Variants in CLSTN2 observed in about 807,000 individuals in gnomAD.
CLSTN2 encodes calsyntenin 2, also known as calsyntenin-2.
Under a neutral mutation model 101.2 loss-of-function variants are expected in CLSTN2, and 48 were observed. The observed-to-expected ratio is 0.47, with a 90% CI of 0.38 to 0.60. The LOEUF (loss-of-function observed/expected upper bound fraction) is 0.60, where lower values mean the gene tolerates loss of function less well. Among genes scored for constraint, CLSTN2 ranks in the 20% least tolerant of loss-of-function variants. The probability of loss-of-function intolerance (pLI) is 0.00; values close to 1 mark genes in which losing one functional copy is unlikely to be tolerated. For missense variants in CLSTN2, 1,160 were observed against 1,238.2 expected, an observed-to-expected ratio of 0.94 and a Z score of 0.95; for synonymous variants, 481 against 463.6, an observed-to-expected ratio of 1.04 and a Z score of -0.48.
intron 9 of CLSTN2, among the ~76,000 whole-genome samples, chr3:140,533,873 T>C (rs79654722): frequency 0.041 from 6,297 of 152,124 alleles, 428 homozygotes; most frequent in African/African-American, 0.14. Flanking sequence ...CTGGAAGCAC[T>C]AGAGATTCAA....
chr3:140,039,193 T>C (rs2007714953), intron 1 of CLSTN2, among the ~76,000 whole-genome samples: 2 of 152,218 alleles, frequency 1.3e-5, no homozygotes, highest in African/African-American at 4.8e-5. Context: ...ATTGTAAATG[T>C]GGTAGTGGTG....
At chr3:139,948,657 C>T (rs761321810) in intron 1 of CLSTN2, among the ~76,000 whole-genome samples, 18 of 152,094 alleles carry the variant, frequency 1.2e-4, no homozygotes, top group Non-Finnish European at 2.5e-4. Flanking sequence ...AGTCCTCTGT[C>T]TTTAGTACAG....
chr3:140,421,322 A>G lies in CLSTN2; in HGVS notation c.787+48A>G, dbSNP rs189962741. The G allele has an allele frequency of 1.8e-5, 29 of 1,605,840 alleles. No individual in the cohort carries two copies. In the Admixed American group the frequency reaches 2.0e-4, roughly 11 times the overall value. On this transcript the variant is annotated intron_variant, in intron 5 of 16. Transcript: ENST00000458420. ...GTGTGAAGGCAGCATGGTCTGATGTATAGAAGGTGGTGTACTTGTCCTCAA... is the reference window on the plus strand; with the variant it reads ...GTGTGAAGGCAGCATGGTCTGATGTGTAGAAGGTGGTGTACTTGTCCTCAA...
intron 1 of CLSTN2, among the ~76,000 whole-genome samples, chr3:140,009,984 G>A (rs967075288): frequency 6.6e-6 from 1 of 152,292 alleles, no homozygotes; most frequent in Non-Finnish European, 1.5e-5. Flanking sequence ...GACATTCTGA[G>A]AATGTCTTTC....
chr3:140,544,748 A>G (rs2093795849), intron 9 of CLSTN2, among the ~76,000 whole-genome samples: 1 of 150,266 alleles, frequency 6.7e-6, no homozygotes, highest in Non-Finnish European at 1.5e-5. Context: ...AGGCAGAGAG[A>G]GGGTATGCAG....
chr3:140,029,334 T>C (rs1035359753), intron 1 of CLSTN2, among the ~76,000 whole-genome samples: 5 of 152,132 alleles, frequency 3.3e-5, no homozygotes, highest in Non-Finnish European at 7.4e-5. Flanking sequence ...ATCTTAAAGA[T>C]AGCAAAAATA....
intron 2 of CLSTN2, among the ~76,000 whole-genome samples, chr3:140,362,114 A>G (rs1353945222): frequency 6.6e-6 from 1 of 152,216 alleles, no homozygotes; most frequent in Non-Finnish European, 1.5e-5. Flanking sequence ...GGTATAAAAC[A>G]GGAGTAAAGA....
intron 1 of CLSTN2, among the ~76,000 whole-genome samples, chr3:140,150,531 C>A (rs1439286315): frequency 1.3e-5 from 2 of 152,182 alleles, no homozygotes; most frequent in Non-Finnish European, 2.9e-5. Flanking sequence ...GGCATTGCAT[C>A]AGCTCAGAGA....
At chr3:140,550,868 C>G (rs1935688115) in intron 10 of CLSTN2, among the ~76,000 whole-genome samples, 1 of 150,890 alleles carries the variant, frequency 6.6e-6, no homozygotes, top group Non-Finnish European at 1.5e-5. Context: ...GGTTATAAGC[C>G]TTTTTATAAC....
intron 2 of CLSTN2, among the ~76,000 whole-genome samples, chr3:140,351,620 T>C (rs2087607798): frequency 6.6e-6 from 1 of 152,186 alleles, no homozygotes; most frequent in Non-Finnish European, 1.5e-5. Flanking sequence ...AGTCAGACCA[T>C]TGTAGCACAA....
At chr3:140,178,088 G>A (rs2010351297) in intron 2 of CLSTN2, among the ~76,000 whole-genome samples, 1 of 152,128 alleles carries the variant, frequency 6.6e-6, no homozygotes, top group Non-Finnish European at 1.5e-5. Flanking sequence ...AGTGTCCTGA[G>A]GCTGGCACTT....
chr3:140,086,769 T>G (rs2008690086), intron 1 of CLSTN2, among the ~76,000 whole-genome samples: 1 of 152,212 alleles, frequency 6.6e-6, no homozygotes, highest in Admixed American at 6.5e-5. Context: ...CCTTGAAAAT[T>G]AGGACTTTTG....
At chr3:140,467,786 C>A (rs1312128290) in intron 8 of CLSTN2, among the ~76,000 whole-genome samples, 1 of 151,906 alleles carries the variant, frequency 6.6e-6, no homozygotes, top group Non-Finnish European at 1.5e-5. Context: ...TCTGTTCCAT[C>A]CAAGTCTCCA....
At chr3:140,059,005 A>G (rs1411014970) in intron 1 of CLSTN2, among the ~76,000 whole-genome samples, 6 of 151,424 alleles carry the variant, frequency 4.0e-5, no homozygotes, top group Admixed American at 2.6e-4. Flanking sequence ...TTTGGCACCC[A>G]ATTAGCAGAA....
chr3:139,938,852 C>T (rs1044985538), intron 1 of CLSTN2, among the ~76,000 whole-genome samples: 6 of 152,146 alleles, frequency 3.9e-5, no homozygotes, highest in Non-Finnish European at 5.9e-5. Context: ...TTGTAGTGCC[C>T]GCCTTGTGTG....
intron 1 of CLSTN2, among the ~76,000 whole-genome samples, chr3:140,056,004 G>A (rs2008089699): frequency 1.3e-5 from 2 of 152,200 alleles, no homozygotes; most frequent in South Asian, 4.1e-4. Flanking sequence ...CTGGATTGGA[G>A]AGTACCAAGA....
At chr3:140,164,823 A>G (rs1335322194) in intron 1 of CLSTN2, among the ~76,000 whole-genome samples, 1 of 152,194 alleles carries the variant, frequency 6.6e-6, no homozygotes, top group East Asian at 1.9e-4. Context: ...GGGATTGTCC[A>G]CACTCTAAAC....
At chr3:140,429,583 A>G (rs1559867405) in intron 5 of CLSTN2, among the ~76,000 whole-genome samples, 1 of 152,136 alleles carries the variant, frequency 6.6e-6, no homozygotes, top group Non-Finnish European at 1.5e-5. Flanking sequence ...TCCTGAGGAC[A>G]GGGGACCACA....
intron 1 of CLSTN2, among the ~76,000 whole-genome samples, chr3:140,076,591 C>A (rs1469569831): frequency 7.5e-6 from 1 of 133,322 alleles, no homozygotes; most frequent in Non-Finnish European, 1.5e-5. Flanking sequence ...GCCTGCCCAA[C>A]TTTGTGGTCA....
Sources: allele counts gnomAD v4.1 joint callset (sites outside exome capture counted in the v4.1 genomes callset), GRCh38; gene constraint gnomAD v4.1.1; transcripts MANE v1.5; gene names NCBI Gene and HGNC (gene_info 2026-07-23, HGNC 2026-07-21).